The following RALGAPB variants were observed in gnomAD, a reference collection of about 807,000 sequenced individuals.
RALGAPB encodes Ral GTPase activating protein non-catalytic subunit beta.
Under a neutral mutation model 161.1 loss-of-function variants are expected in RALGAPB, and 25 were observed. The observed-to-expected ratio is 0.16, with a 90% CI of 0.11 to 0.22. RALGAPB has a LOEUF of 0.22. Ranked by LOEUF, RALGAPB falls within the 10% of genes least tolerant of loss-of-function variation. The pLI, the probability that RALGAPB is intolerant of heterozygous loss-of-function variation, is 1.00. For missense variants in RALGAPB, 1,391 were observed against 1,815.2 expected (o/e 0.77, Z 4.25); for synonymous variants, 629 against 626.1 (o/e 1.00, Z -0.07).
Position 38,509,136 on chromosome 20 carries a change from C to A in RALGAPB, c.800C>A (p.Ala267Asp), listed in dbSNP as rs749796891. 1.2e-6 allele frequency: 2 copies of A among 1,613,220 alleles called. No individual in the cohort carries two copies. Among genetic ancestry groups the A allele is most frequent in the Non-Finnish European group, 1.7e-6 (2 of 1,179,158 alleles). ...GCATTTAAAGTTCCCGATGAAGATG[C>A]CAGTCTGATCCCTCCAGAAATGGAT... ...FPAFKVPDED[A>D]SLIPPEMDNE... The change falls in exon 6 of 30, where the codon GCC (alanine) becomes GAC (aspartate). Residue 267 changes from alanine to aspartate, a missense_variant. Ala to Asp is a moderately radical substitution (Grantham distance 126). Transcript: ENST00000262879.
In RALGAPB at chr20:38,551,002, G is replaced by A; in HGVS notation, c.3010-69G>A. On this transcript the variant is annotated intron_variant, in intron 20 of 29. Transcript: ENST00000262879. Reference sequence around the variant, plus strand: ...GAAACACAGGCATCTAAGAGACCAGGGAAATACATGTCATTACAGATGGGT... The same window carrying A: ...GAAACACAGGCATCTAAGAGACCAGAGAAATACATGTCATTACAGATGGGT... The A allele has an allele frequency of 3.9e-6, 6 of 1,523,176 alleles. No individual in the cohort carries two copies. The East Asian group carries it at 6.8e-5, about 17-fold the overall frequency. 94.4% of individuals were successfully genotyped at this position (1,523,176 alleles called of 1,614,324 possible). A position where few individuals can be genotyped will look rare whatever the true frequency, so the allele number is the denominator to read the frequency against.
chr20:38,546,478 C>A lies in RALGAPB; in HGVS notation c.2902+48C>A, dbSNP rs370727747. The A allele has an allele frequency of 6.2e-6, 10 of 1,604,312 alleles. 1 individual carries two copies. In the South Asian group the frequency reaches 7.7e-5, roughly 12 times the overall value. ...CTTCTCTACTGCTTAATCAGTGTTA[C>A]CAGTACCATGAAGCTGTTTCCAGGA... On this transcript the variant is annotated intron_variant, in intron 19 of 29. Transcript: ENST00000262879.
chr20:38,551,291 A>G (rs1488382151), intron 21 of RALGAPB, 68 bp downstream of exon 21: 1 of 1,522,076 alleles, frequency 6.6e-7, no homozygotes, highest in Non-Finnish European at 9.0e-7. Flanking sequence ...TCCTTGGTCA[A>G]GACAATGCTT....
At chr20:38,507,678 C>A (rs1207812940) in intron 5 of RALGAPB, among the ~76,000 whole-genome samples, 1 of 151,752 alleles carries the variant, frequency 6.6e-6, no homozygotes, top group Non-Finnish European at 1.5e-5. Flanking sequence ...GCCACTATGC[C>A]AGCGTTGTTT....
chr20:38,473,257 G>C (rs1187461038), intron 1 of RALGAPB, among the ~76,000 whole-genome samples, 188 bp downstream of exon 1: 1 of 152,168 alleles, frequency 6.6e-6, no homozygotes, highest in Non-Finnish European at 1.5e-5. Context: ...GCCCTGGAGT[G>C]GGCGGCTGCT....
chr20:38,493,167 G>A, intron 3 of RALGAPB, 35 bp downstream of exon 3: 1 of 1,510,784 alleles, frequency 6.6e-7, no homozygotes, highest in Non-Finnish European at 9.1e-7. Flanking sequence ...CCATTATCAG[G>A]GTCATAGTAA....
chr20:38,533,364 A>G (rs2086713671), intron 15 of RALGAPB, among the ~76,000 whole-genome samples: 1 of 152,150 alleles, frequency 6.6e-6, no homozygotes, highest in Admixed American at 6.5e-5. Flanking sequence ...TGCCAAGTAA[A>G]ACATTTGCCA....
At chr20:38,488,649 T>C in intron 2 of RALGAPB, 31 bp downstream of exon 2, 4 of 1,573,386 alleles carry the variant, frequency 2.5e-6, no homozygotes, top group East Asian at 2.2e-5. Context: ...TTCTCTTATA[T>C]GAAAATGTAC....
chr20:38,571,438 T>C (rs1043060325), intron 28 of RALGAPB, among the ~76,000 whole-genome samples: 9 of 152,214 alleles, frequency 5.9e-5, no homozygotes, highest in Non-Finnish European at 1.0e-4. Flanking sequence ...GAGTTTATTT[T>C]AGATTTGTCA....
chr20:38,509,900 T>C (rs2085883044), intron 6 of RALGAPB, among the ~76,000 whole-genome samples: 1 of 152,208 alleles, frequency 6.6e-6, no homozygotes, highest in Non-Finnish European at 1.5e-5. Flanking sequence ...AAGTTAGGTA[T>C]GTTAATCTTT....
chr20:38,564,816 C>T (rs911785855), intron 24 of RALGAPB, among the ~76,000 whole-genome samples: 5 of 151,708 alleles, frequency 3.3e-5, no homozygotes, highest in African/African-American at 1.2e-4. Flanking sequence ...AGAGATAACG[C>T]ACATGTGCAC....
At position 38,531,223 on chromosome 20, in the gene RALGAPB, A is replaced by G. The variant is rs759458412; in HGVS notation, c.2107A>G (p.Met703Val). ...ACTTTTGGAAGCCATTGGTTGCCAG[A>G]TGGAGATGGTAAGAAGCATACATGC... ...SALLEAIGCQMEMGGGENNLK... is the reference protein window; with the variant it reads ...SALLEAIGCQVEMGGGENNLK... Residue 703 changes from methionine to valine, a missense_variant, in exon 14 of 30, where the codon ATG (methionine) becomes GTG (valine). Met to Val is a conservative substitution (Grantham distance 21). Transcript: ENST00000262879. 28 of 1,604,670 alleles carry G rather than the reference A, an allele frequency of 1.7e-5. No homozygotes were observed. In the Admixed American group the frequency reaches 4.5e-4, roughly 26 times the overall value.
chr20:38,490,050 C>T (rs2085232755), intron 2 of RALGAPB, among the ~76,000 whole-genome samples: 1 of 151,216 alleles, frequency 6.6e-6, no homozygotes, highest in African/African-American at 2.4e-5. Context: ...CGCTCTGTCG[C>T]CCAGGCTGGA....
chr20:38,577,583 G>C lies in RALGAPB; in HGVS notation c.*2616G>C, dbSNP rs536467704. 1 of 152,266 alleles carries C rather than the reference G, an allele frequency of 6.6e-6. No homozygotes were observed. The highest frequency in any genetic ancestry group is 1.5e-5 in the Non-Finnish European group (1 of 68,038). 9.4% of individuals were successfully genotyped at this position (152,266 alleles called of 1,614,324 possible). On this transcript the variant is annotated 3_prime_UTR_variant, in exon 30 of 30. Transcript: ENST00000262879. ...CCTCTGGTTGGGAGCACTGAGGACAGTGAGGAGGGCTTTTACCTTGTTAAT... is the reference window on the plus strand; with the variant it reads ...CCTCTGGTTGGGAGCACTGAGGACACTGAGGAGGGCTTTTACCTTGTTAAT...
chr20:38,545,181 A>T (rs78040904), intron 18 of RALGAPB, among the ~76,000 whole-genome samples: 4 of 152,214 alleles, frequency 2.6e-5, no homozygotes, highest in African/African-American at 9.7e-5. Flanking sequence ...CGCAAAGCAC[A>T]TCATCAGAGC....
At chr20:38,530,075 C>T (rs759355269) in intron 13 of RALGAPB, among the ~76,000 whole-genome samples, 29 of 152,222 alleles carry the variant, frequency 1.9e-4, no homozygotes, top group Non-Finnish European at 3.5e-4. Flanking sequence ...GGTCCCATGG[C>T]GTTAGTCAAG....
chr20:38,576,676 A>T lies in RALGAPB; in HGVS notation c.*1709A>T, dbSNP rs1447268895. Reference sequence around the variant, plus strand: ...ATGGGAGAGGGCATATAGGATAAAGATGAGCAAATTCTACCCTAAAAATGT... The same window carrying T: ...ATGGGAGAGGGCATATAGGATAAAGTTGAGCAAATTCTACCCTAAAAATGT... On this transcript the variant is annotated 3_prime_UTR_variant, in exon 30 of 30. Coordinates refer to ENST00000262879, the MANE Select transcript of RALGAPB (RefSeq NM_020336.4). 5.9e-5 allele frequency: 9 copies of T among 152,704 alleles called. No individual in the cohort carries two copies. The highest frequency in any genetic ancestry group is 1.9e-4 in the African/African-American group (8 of 41,578). The allele number at this position is 152,704 out of a possible 1,614,324, so 9.5% of individuals were successfully genotyped here.
rs113640621 is a variant in RALGAPB, at chr20:38,574,451, G to A, written c.4291+153G>A. ...TCTTGTTAAAAAGGGAGCATGTTTCGTTCTTTTTAAATCTGTCCTTAATCT... is the reference window on the plus strand; with the variant it reads ...TCTTGTTAAAAAGGGAGCATGTTTCATTCTTTTTAAATCTGTCCTTAATCT... On this transcript the variant is annotated intron_variant, in intron 29 of 29. Coordinates refer to ENST00000262879, the MANE Select transcript of RALGAPB (RefSeq NM_020336.4). 5.2e-4 allele frequency among the ~76,000 whole-genome samples: 79 copies of A among 152,180 alleles called. 1 individual carries two copies. Among genetic ancestry groups the A allele is most frequent in the African/African-American group, 1.7e-3 (72 of 41,518 alleles).
At chr20:38,474,758 A>T (rs945883471) in intron 1 of RALGAPB, among the ~76,000 whole-genome samples, 1 of 152,168 alleles carries the variant, frequency 6.6e-6, no homozygotes, top group Admixed American at 6.5e-5. Flanking sequence ...AGATTATGAG[A>T]AGCTTTAGGG....
Sources: allele counts gnomAD v4.1 joint callset (sites outside exome capture counted in the v4.1 genomes callset), GRCh38; gene constraint gnomAD v4.1.1; transcripts MANE v1.5; gene names NCBI Gene and HGNC (gene_info 2026-07-23, HGNC 2026-07-21).